The following RAB38 variants were observed in gnomAD, a reference collection of about 807,000 sequenced individuals.
The protein encoded by RAB38 is RAB38, member RAS oncogene family.
A neutral mutation model predicts 18.4 loss-of-function variants in RAB38; 15 were observed. The observed-to-expected ratio is 0.82, with a 90% CI of 0.55 to 1.26. The LOEUF is 1.26. Among genes scored for constraint, RAB38 ranks in the 50% most tolerant of loss-of-function variants. The pLI is 0.00. For missense variants in RAB38, 294 were observed against 267.4 expected (o/e 1.10, Z -0.69); for synonymous variants, 101 against 104.4 (o/e 0.97, Z 0.20).
the RAB38 span, among the ~76,000 whole-genome samples, chr11:88,028,778 G>C: frequency 2.6e-5 from 4 of 152,332 alleles, no homozygotes; most frequent in African/African-American, 9.6e-5. Context: ...GTGACAGGGA[G>C]AATGGAACCA....
the RAB38 span, among the ~76,000 whole-genome samples, chr11:88,011,194 A>C: frequency 6.6e-6 from 1 of 152,166 alleles, no homozygotes. Context: ...TGTGTAAGAC[A>C]CTGTATTAAA....
chr11:87,844,900 GAC>G, the RAB38 span, among the ~76,000 whole-genome samples: 1 of 152,148 alleles, frequency 6.6e-6, no homozygotes, highest in African/African-American at 2.4e-5. Flanking sequence ...TAACCTCTGA[GAC>G]ACACATGTGT....
the RAB38 span, among the ~76,000 whole-genome samples, chr11:87,901,475 C>T: frequency 6.6e-6 from 1 of 151,552 alleles, no homozygotes; most frequent in Admixed American, 6.6e-5. Flanking sequence ...TTTTATCCTC[C>T]TTTCACTAAC....
At chr11:88,075,251 T>C in the RAB38 span, among the ~76,000 whole-genome samples, 1 of 152,180 alleles carries the variant, frequency 6.6e-6, no homozygotes, top group Non-Finnish European at 1.5e-5. Flanking sequence ...TACACATTCT[T>C]TTCATAAGCA....
At chr11:87,826,167 GT>G in the RAB38 span, among the ~76,000 whole-genome samples, 1 of 152,170 alleles carries the variant, frequency 6.6e-6, no homozygotes, top group East Asian at 1.9e-4. Flanking sequence ...TCAATGAAAA[GT>G]TTTGAAAATG....
intron 1 of RAB38, among the ~76,000 whole-genome samples, chr11:88,173,214 C>T (rs2134861963): frequency 6.6e-6 from 1 of 152,288 alleles, no homozygotes; most frequent in South Asian, 2.1e-4. Flanking sequence ...ACTTGTATAT[C>T]ATATCCTTCT....
At chr11:87,965,923 T>G in the RAB38 span, among the ~76,000 whole-genome samples, 1 of 152,168 alleles carries the variant, frequency 6.6e-6, no homozygotes, top group South Asian at 2.1e-4. Context: ...CTAAACATGC[T>G]CTGCCTTAAG....
chr11:88,061,803 T>TGCGGAGGTGTCACTAC, the RAB38 span: 1 of 152,180 alleles, frequency 6.6e-6, no homozygotes, highest in African/African-American at 2.4e-5. Flanking sequence ...TCTGTCACTA[T>TGCGGAGGTGTCACTAC]GCGGAGGTGT....
At chr11:87,804,101 C>A in the RAB38 span, among the ~76,000 whole-genome samples, 1 of 152,200 alleles carries the variant, frequency 6.6e-6, no homozygotes, top group African/African-American at 2.4e-5. Context: ...TTTAACTCTT[C>A]CTTTTGGTAA....
At chr11:88,041,385 C>T in the RAB38 span, among the ~76,000 whole-genome samples, 2 of 152,168 alleles carry the variant, frequency 1.3e-5, no homozygotes, top group East Asian at 1.9e-4. Context: ...TGCCTCCTTG[C>T]ATCTGTTTTG....
chr11:88,150,097 A>C, intron 1 of RAB38, 142 bp from the exon 2 acceptor site: 1 of 858,746 alleles, frequency 1.2e-6, no homozygotes, highest in Non-Finnish European at 1.8e-6. Context: ...AGCGAACTAA[A>C]TATGCAATCA....
chr11:87,806,736 C>G, the RAB38 span, among the ~76,000 whole-genome samples: 8 of 151,882 alleles, frequency 5.3e-5, no homozygotes, highest in Non-Finnish European at 7.4e-5. Flanking sequence ...ATATTTAAAT[C>G]AAGACAAGTA....
the RAB38 span, among the ~76,000 whole-genome samples, chr11:87,843,325 T>G: frequency 6.6e-6 from 1 of 152,232 alleles, no homozygotes; most frequent in Non-Finnish European, 1.5e-5. Flanking sequence ...AGAATTACTT[T>G]GGTTCCTTTT....
At chr11:87,956,047 G>A in the RAB38 span, among the ~76,000 whole-genome samples, 25 of 151,956 alleles carry the variant, frequency 1.6e-4, no homozygotes, top group African/African-American at 3.1e-4. Context: ...AAAAGTCTCC[G>A]TTCTACAGTA....
At chr11:88,160,917 G>A (rs1392069984) in intron 1 of RAB38, among the ~76,000 whole-genome samples, 1 of 152,050 alleles carries the variant, frequency 6.6e-6, no homozygotes, top group Admixed American at 6.6e-5. Flanking sequence ...GTACCCCAAA[G>A]CTCAACATCA....
chr11:87,910,544 TACAA>T, the RAB38 span, among the ~76,000 whole-genome samples: 1 of 151,966 alleles, frequency 6.6e-6, no homozygotes, highest in Non-Finnish European at 1.5e-5. Flanking sequence ...AACCCAAAGT[TACAA>T]ACATTTTGTC....
the RAB38 span, among the ~76,000 whole-genome samples, chr11:88,049,466 T>C: frequency 6.8e-6 from 1 of 147,618 alleles, no homozygotes; most frequent in Admixed American, 6.7e-5. Flanking sequence ...CCCCCCCGAT[T>C]TGACTGTAAT....
At chr11:88,005,288 A>G in the RAB38 span, among the ~76,000 whole-genome samples, 44 of 151,486 alleles carry the variant, frequency 2.9e-4, no homozygotes, top group South Asian at 2.1e-4. Context: ...GTAGACATAC[A>G]GATTAGTTGT....
chr11:87,828,033 A>C, the RAB38 span, among the ~76,000 whole-genome samples: 1 of 152,198 alleles, frequency 6.6e-6, no homozygotes, highest in Non-Finnish European at 1.5e-5. Flanking sequence ...TTGGTTTCTT[A>C]GTTTTGACAA....
Sources: gnomAD v4.1 joint callset for allele counts (sites outside exome capture counted in the v4.1 genomes callset) on GRCh38, gnomAD v4.1.1 for gene constraint, MANE v1.5 for transcripts, NCBI Gene and HGNC (gene_info 2026-07-23, HGNC 2026-07-21) for gene names.